AFG1L: variants seen among roughly 807,000 people sequenced by gnomAD.
The protein encoded by AFG1L is AFG1-like ATPase.
Under a neutral mutation model 62.2 loss-of-function variants are expected in AFG1L, and 53 were observed. The ratio of observed to expected loss-of-function variants is 0.85; its 90% CI spans 0.68 to 1.07. The LOEUF is 1.07. Ranked by LOEUF, AFG1L falls within the 50% of genes least tolerant of loss-of-function variation. The pLI, the probability that AFG1L is intolerant of heterozygous loss-of-function variation, is 0.00. For synonymous variants in AFG1L, 228 were observed against 210.3 expected (o/e 1.08, Z -0.73); for missense variants, 555 against 590.5 (o/e 0.94, Z 0.62).
At chr6:108,351,219 C>G (rs1165806646) in intron 3 of AFG1L, among the ~76,000 whole-genome samples, 1 of 152,140 alleles carries the variant, frequency 6.6e-6, no homozygotes, top group Non-Finnish European at 1.5e-5. Context: ...GTGCTGTGTA[C>G]TTGGGCTACA....
At chr6:108,335,266 G>A (rs564559116) in intron 2 of AFG1L, among the ~76,000 whole-genome samples, 6 of 123,990 alleles carry the variant, frequency 4.8e-5, no homozygotes, top group Admixed American at 7.3e-5. Flanking sequence ...CCACTGCCCC[G>A]GCTGGTTTTT....
At chr6:108,385,736 T>C (rs1780735034) in intron 6 of AFG1L, among the ~76,000 whole-genome samples, 1 of 152,114 alleles carries the variant, frequency 6.6e-6, no homozygotes, top group Admixed American at 6.5e-5. Flanking sequence ...TGACTTCTGT[T>C]AGAAACTTTG....
chr6:108,363,874 T>A (rs988407979), intron 5 of AFG1L, among the ~76,000 whole-genome samples: 1 of 152,220 alleles, frequency 6.6e-6, no homozygotes, highest in African/African-American at 2.4e-5. Context: ...TCCTAATTAC[T>A]GATAATGCAT....
At chr6:108,318,172 A>C (rs1263983559) in intron 1 of AFG1L, 1 of 241,580 alleles carries the variant, frequency 4.1e-6, no homozygotes, top group Non-Finnish European at 8.1e-6. Context: ...TAAGAAGGGC[A>C]AGGATTCTCT....
chr6:108,422,477 CAAAAAAAAAA>C (rs539232525), intron 7 of AFG1L, among the ~76,000 whole-genome samples: 2 of 45,798 alleles, frequency 4.4e-5, no homozygotes, highest in Non-Finnish European at 7.4e-5. Context: ...TAGTCCTCAG[CAAAAAAAAAA>C]AAAAAAAAAA....
chr6:108,422,951 G>A (rs998033696), intron 7 of AFG1L, among the ~76,000 whole-genome samples: 8 of 151,966 alleles, frequency 5.3e-5, no homozygotes, highest in Non-Finnish European at 8.8e-5. Flanking sequence ...GAATAAAGTA[G>A]CCTTTTATAC....
intron 3 of AFG1L, among the ~76,000 whole-genome samples, chr6:108,349,327 T>A (rs1203905013): frequency 2.0e-5 from 3 of 151,370 alleles, no homozygotes; most frequent in Admixed American, 1.3e-4. Flanking sequence ...CCACAAAAAA[T>A]ACAAAAATTA....
At chr6:108,327,345 T>G (rs1200711298) in intron 2 of AFG1L, among the ~76,000 whole-genome samples, 1 of 152,214 alleles carries the variant, frequency 6.6e-6, no homozygotes, top group Non-Finnish European at 1.5e-5. Context: ...ATTCATGTCA[T>G]TCATTGTCTT....
At position 108,449,452 on chromosome 6, in the gene AFG1L, AAT is replaced by A. The variant is rs530182865; in HGVS notation, c.890+2159_890+2160del. The stretch of plus-strand genomic sequence containing the variant: ...AAAATCATCTCAGAAGTGGGAAAAT[AAT>A]ATGAGTTACTAAGACAGGATGCTAG... On this transcript the variant is annotated intron_variant, in intron 8 of 12. Coordinates refer to ENST00000368977, the MANE Select transcript of AFG1L (RefSeq NM_145315.5). Among the ~76,000 whole-genome samples, 339 of 152,250 alleles carry A rather than the reference AAT, an allele frequency of 2.2e-3. 1 individual carries two copies. Among genetic ancestry groups the A allele is most frequent in the African/African-American group, 7.8e-3 (323 of 41,550 alleles).
intron 6 of AFG1L, among the ~76,000 whole-genome samples, chr6:108,378,958 C>T (rs1392600495): frequency 1.3e-5 from 2 of 150,448 alleles, no homozygotes; most frequent in African/African-American, 4.9e-5. Flanking sequence ...TTTGCTTGAA[C>T]AGCCCTATGC....
At chr6:108,296,215 A>G (rs571618109) in intron 1 of AFG1L, among the ~76,000 whole-genome samples, 1 of 152,362 alleles carries the variant, frequency 6.6e-6, no homozygotes, top group Non-Finnish European at 1.5e-5. Flanking sequence ...TAATGCATTT[A>G]GTATAATGGA....
intron 1 of AFG1L, chr6:108,318,456 A>G: frequency 5.9e-6 from 1 of 169,988 alleles, no homozygotes; most frequent in Non-Finnish European, 1.3e-5. Flanking sequence ...TTGAGGTTAC[A>G]TTTACTTAAA....
chr6:108,356,701 C>T lies in AFG1L; in HGVS notation c.529C>T (p.Leu177Phe), dbSNP rs757380190. 2 of 1,609,990 alleles carry T rather than the reference C, an allele frequency of 1.2e-6. No individual in the cohort carries two copies. Among genetic ancestry groups the T allele is most frequent in the Admixed American group, 3.4e-5 (2 of 59,516 alleles). ...TTCATGCATTTAAGGAATACATCGC[C>T]TTAAACAGAGTTTGCCAAAAAGGAA... ...MLDVHKRIHRLKQSLPKRKPG... is the reference protein window; with the variant it reads ...MLDVHKRIHRFKQSLPKRKPG... The change falls in exon 5 of 13, where the codon CTT (leucine) becomes TTT (phenylalanine). Residue 177 changes from leucine to phenylalanine, a missense_variant. Physicochemically the swap from Leu to Phe is conservative, Grantham distance 22. Coordinates refer to ENST00000368977, the MANE Select transcript of AFG1L (RefSeq NM_145315.5).
chr6:108,317,983 A>C (rs949591473), intron 1 of AFG1L: 2 of 153,064 alleles, frequency 1.3e-5, no homozygotes, highest in African/African-American at 4.8e-5. Flanking sequence ...CCACAGCTTC[A>C]GGAGAATTTT....
intron 10 of AFG1L, among the ~76,000 whole-genome samples, chr6:108,508,191 G>C (rs1488616094): frequency 1.3e-5 from 2 of 152,214 alleles, no homozygotes; most frequent in Admixed American, 6.5e-5. Context: ...AGTAGCAACT[G>C]AGGAGTCAGA....
chr6:108,442,542 C>T (rs1304627392), intron 7 of AFG1L, among the ~76,000 whole-genome samples: 1 of 152,126 alleles, frequency 6.6e-6, no homozygotes, highest in Non-Finnish European at 1.5e-5. Context: ...CAACAGGTTG[C>T]TCATGCCAGC....
At chr6:108,361,087 C>T (rs909984535) in intron 5 of AFG1L, among the ~76,000 whole-genome samples, 11 of 152,238 alleles carry the variant, frequency 7.2e-5, no homozygotes, top group Non-Finnish European at 1.0e-4. Flanking sequence ...CTTCTTTCAC[C>T]TGGAGGATGG....
At chr6:108,375,117 G>C (rs887555801) in intron 6 of AFG1L, among the ~76,000 whole-genome samples, 4 of 151,944 alleles carry the variant, frequency 2.6e-5, no homozygotes, top group African/African-American at 7.2e-5. Context: ...TTCTTGATTT[G>C]GCTCTCAGTT....
At chr6:108,312,161 G>A (rs980846462) in intron 1 of AFG1L, among the ~76,000 whole-genome samples, 2 of 152,128 alleles carry the variant, frequency 1.3e-5, no homozygotes, top group Non-Finnish European at 1.5e-5. Flanking sequence ...CATCGTGCCC[G>A]GCCTAAAATA....
Sources: allele counts gnomAD v4.1 joint callset (sites outside exome capture counted in the v4.1 genomes callset), GRCh38; gene constraint gnomAD v4.1.1; transcripts MANE v1.5; gene names NCBI Gene and HGNC (gene_info 2026-07-23, HGNC 2026-07-21).